The following EXOC6B variants were observed in gnomAD, a reference collection of about 807,000 sequenced individuals.
The protein encoded by EXOC6B is SEC15 homolog B.
A neutral mutation model predicts 113.5 loss-of-function variants in EXOC6B; 54 were observed. The observed-to-expected ratio is 0.48, with a 90% CI of 0.38 to 0.60. The LOEUF (loss-of-function observed/expected upper bound fraction) is 0.60, where lower values mean the gene tolerates loss of function less well. Among genes scored for constraint, EXOC6B ranks in the 20% least tolerant of loss-of-function variants. EXOC6B has a pLI of 0.00. For missense variants in EXOC6B, 797 were observed against 977.5 expected (o/e 0.82, Z 2.46); for synonymous variants, 357 against 339.0 (o/e 1.05, Z -0.58).
intron 20 of EXOC6B, among the ~76,000 whole-genome samples, chr2:72,318,643 C>A (rs1396910977): frequency 6.6e-6 from 1 of 152,146 alleles, no homozygotes; most frequent in African/African-American, 2.4e-5. Flanking sequence ...CCACCCACCT[C>A]TAGTAGGTAA....
intron 1 of EXOC6B, among the ~76,000 whole-genome samples, chr2:72,783,983 T>C (rs761145863): frequency 2.0e-5 from 3 of 152,226 alleles, no homozygotes; most frequent in Admixed American, 6.5e-5. Context: ...TCAGGTCTTA[T>C]GTTTAATGTT....
rs143244034 is a variant in EXOC6B, at chr2:72,559,728, C to T, written c.847-207G>A. Among the ~76,000 whole-genome samples, 69 of 152,238 alleles carry T rather than the reference C, an allele frequency of 4.5e-4. 2 individuals are homozygous for T. In the East Asian group the frequency reaches 0.012, roughly 26 times the overall value. On this transcript the variant is annotated intron_variant, in intron 7 of 21. Coordinates refer to ENST00000272427, the MANE Select transcript of EXOC6B (RefSeq NM_015189.3). ...AATTAATAAACCGTGAAGATATACA[C>T]CAAGGCTGGCACAAAGCCCACAAGG... is the stretch of plus-strand genomic sequence containing the variant.
intron 18 of EXOC6B, among the ~76,000 whole-genome samples, chr2:72,406,580 G>C (rs548859384): frequency 1.3e-5 from 2 of 152,294 alleles, no homozygotes; most frequent in South Asian, 4.1e-4. Context: ...CATGGAAACT[G>C]AACAACCTGC....
At chr2:72,426,267 T>C (rs1196908321) in intron 18 of EXOC6B, among the ~76,000 whole-genome samples, 1 of 152,218 alleles carries the variant, frequency 6.6e-6, no homozygotes, top group African/African-American at 2.4e-5. Context: ...CTTACTTTAG[T>C]ATCCTTTTAT....
intron 6 of EXOC6B, among the ~76,000 whole-genome samples, chr2:72,628,026 C>G (rs999494799): frequency 2.0e-5 from 3 of 152,088 alleles, no homozygotes; most frequent in African/African-American, 7.2e-5. Context: ...TTTAAGCAAA[C>G]ATGGAATTTC....
intron 18 of EXOC6B, among the ~76,000 whole-genome samples, chr2:72,384,263 A>G (rs1691863028): frequency 6.6e-6 from 1 of 152,114 alleles, no homozygotes; most frequent in Admixed American, 6.6e-5. Context: ...AAGCAAGACT[A>G]TATGATCATC....
At chr2:72,750,327 T>C (rs1171149522) in intron 1 of EXOC6B, among the ~76,000 whole-genome samples, 2 of 152,070 alleles carry the variant, frequency 1.3e-5, no homozygotes, top group Non-Finnish European at 2.9e-5. Context: ...TGAAGTTCCA[T>C]GAACCGTATG....
rs77609188 is a variant in EXOC6B, at chr2:72,794,353, C to T, written c.113+31445G>A. Among the ~76,000 whole-genome samples the T allele has an allele frequency of 4.1e-3, 618 of 152,280 alleles. 3 individuals carry two copies. Among genetic ancestry groups the T allele is most frequent in the African/African-American group, 0.014 (570 of 41,574 alleles). On this transcript the variant is annotated intron_variant, in intron 1 of 21. Transcript: ENST00000272427. ...CTGCCTAACTTTAGGGTGACCAGAG[C>T]TCACCAAAGTAAATGTCACATAACC...
At chr2:72,538,430 A>C (rs930490166) in intron 8 of EXOC6B, among the ~76,000 whole-genome samples, 5 of 152,216 alleles carry the variant, frequency 3.3e-5, no homozygotes, top group Non-Finnish European at 7.3e-5. Context: ...GGTGATGCTA[A>C]ATTTAATAAT....
At chr2:72,539,868 A>T (rs1456228458) in intron 8 of EXOC6B, among the ~76,000 whole-genome samples, 1 of 151,640 alleles carries the variant, frequency 6.6e-6, no homozygotes, top group Non-Finnish European at 1.5e-5. Context: ...ACATATGTAT[A>T]CATGTGCCAT....
intron 6 of EXOC6B, among the ~76,000 whole-genome samples, chr2:72,603,940 T>A (rs905207343): frequency 2.6e-5 from 4 of 152,132 alleles, no homozygotes; most frequent in African/African-American, 9.7e-5. Flanking sequence ...ACTACACTTT[T>A]CCCTTATGGC....
Position 72,218,424 on chromosome 2 carries a change from ATG to A in EXOC6B, c.2197-34239_2197-34238del, listed in dbSNP as rs376379750. ...CTCAATAAGGGTCCCAGAACATAATATGTGTGTGTGTGCATGTGTGCATATGT... is the reference window on the plus strand; with the variant it reads ...CTCAATAAGGGTCCCAGAACATAATATGTGTGTGTGCATGTGTGCATATGT... On this transcript the variant is annotated intron_variant, in intron 20 of 21. Coordinates refer to ENST00000272427, the MANE Select transcript of EXOC6B (RefSeq NM_015189.3). Among the ~76,000 whole-genome samples, 27 of 152,198 alleles carry A rather than the reference ATG, an allele frequency of 1.8e-4. 1 individual carries two copies. In the South Asian group the frequency reaches 5.4e-3, roughly 30 times the overall value.
intron 8 of EXOC6B, among the ~76,000 whole-genome samples, chr2:72,557,406 G>C (rs1703619901): frequency 6.9e-6 from 1 of 144,640 alleles, no homozygotes; most frequent in South Asian, 2.2e-4. Context: ...TAGATGCCTT[G>C]ATACAATTCA....
At chr2:72,211,966 G>A (rs1680222962) in intron 20 of EXOC6B, among the ~76,000 whole-genome samples, 2 of 151,952 alleles carry the variant, frequency 1.3e-5, no homozygotes, top group Admixed American at 6.6e-5. Context: ...CTGCTCTAAT[G>A]AGCCATGAGC....
chr2:72,190,172 C>A (rs1437149403), intron 20 of EXOC6B, among the ~76,000 whole-genome samples: 1 of 151,946 alleles, frequency 6.6e-6, no homozygotes, highest in South Asian at 2.1e-4. Context: ...GCTAGGACTA[C>A]AGGCACACAC....
intron 20 of EXOC6B, among the ~76,000 whole-genome samples, chr2:72,277,858 T>C (rs902332941): frequency 1.3e-5 from 2 of 151,848 alleles, no homozygotes; most frequent in African/African-American, 4.9e-5. Context: ...TTTTTTTTTA[T>C]ATAAAATTAT....
At chr2:72,376,067 C>T (rs911571528) in intron 19 of EXOC6B, among the ~76,000 whole-genome samples, 6 of 151,254 alleles carry the variant, frequency 4.0e-5, no homozygotes, top group Non-Finnish European at 7.4e-5. Context: ...CAAGGGGAGG[C>T]GAATTAGATG....
chr2:72,292,943 C>T (rs1180342787), intron 20 of EXOC6B, among the ~76,000 whole-genome samples: 4 of 152,136 alleles, frequency 2.6e-5, no homozygotes, highest in South Asian at 4.2e-4. Context: ...CACTGAAGTA[C>T]GTTTGGATTG....
chr2:72,675,685 C>T (rs1487971700), intron 6 of EXOC6B, among the ~76,000 whole-genome samples: 1 of 152,026 alleles, frequency 6.6e-6, no homozygotes, highest in African/African-American at 2.4e-5. Flanking sequence ...CTCAACTACT[C>T]TAGAGGCTGA....
Sources: allele counts gnomAD v4.1 joint callset (sites outside exome capture counted in the v4.1 genomes callset), GRCh38; gene constraint gnomAD v4.1.1; transcripts MANE v1.5; gene names NCBI Gene and HGNC (gene_info 2026-07-23, HGNC 2026-07-21).